PDE6C: variants seen among roughly 807,000 people sequenced by gnomAD.
PDE6C encodes phosphodiesterase 6C.
Under a neutral mutation model 113.1 loss-of-function variants are expected in PDE6C, and 75 were observed. That is an observed-to-expected ratio of 0.66 (90% CI 0.55 to 0.80). PDE6C has a LOEUF of 0.80. Ranked by LOEUF, PDE6C falls within the 30% of genes least tolerant of loss-of-function variation. PDE6C has a pLI of 0.00. For synonymous variants in PDE6C, 375 were observed against 363.7 expected (o/e 1.03, Z -0.35); for missense variants, 912 against 1,038.6 (o/e 0.88, Z 1.67).
At chr10:93,642,542 C>T (rs1589700432) in intron 14 of PDE6C, among the ~76,000 whole-genome samples, 1 of 152,034 alleles carries the variant, frequency 6.6e-6, no homozygotes, top group South Asian at 2.1e-4. Flanking sequence ...ACATGAACTA[C>T]CCCTCTCCAG....
intron 21 of PDE6C, among the ~76,000 whole-genome samples, chr10:93,664,005 A>T (rs978018608): frequency 6.6e-6 from 1 of 152,202 alleles, no homozygotes; most frequent in African/African-American, 2.4e-5. Context: ...TAAATAATTC[A>T]TAGGAGAAAA....
At chr10:93,614,407 C>T (rs555283923) in intron 1 of PDE6C, among the ~76,000 whole-genome samples, 224 of 152,276 alleles carry the variant, frequency 1.5e-3, no homozygotes, top group Non-Finnish European at 3.0e-3. Context: ...CTGAATAATT[C>T]CTCCTTTCAG....
chr10:93,649,824 C>T (rs533755382), intron 15 of PDE6C, among the ~76,000 whole-genome samples: 2 of 152,238 alleles, frequency 1.3e-5, no homozygotes, highest in African/African-American at 2.4e-5. Flanking sequence ...AGGCTGGTCT[C>T]GAACCCCCAA....
chr10:93,633,415 A>G (rs1202035245), intron 8 of PDE6C, among the ~76,000 whole-genome samples: 1 of 146,872 alleles, frequency 6.8e-6, no homozygotes, highest in East Asian at 2.1e-4. Flanking sequence ...GCAGTGAGCC[A>G]AGATTGTGCC....
rs1564805970 is a variant in PDE6C, at chr10:93,659,146, GC to G, written c.2190del (p.Trp731GlyfsTer7). On this transcript the variant is annotated frameshift_variant, in exon 18 of 22. Transcript: ENST00000371447. LOFTEE classifies it high-confidence loss of function. ...TACDLSAITK[P>X]WEVQSQVALM... ...CATGTGACTTGTCTGCTATTACCAA[GC>G]CCTGGGAGGTGCAAAGTCAGGTGAG... 1 of 1,611,024 alleles carries G rather than the reference GC, an allele frequency of 6.2e-7. No homozygotes were observed. The highest frequency in any genetic ancestry group is 8.5e-7 in the Non-Finnish European group (1 of 1,179,066).
chr10:93,644,287 G>A lies in PDE6C; in HGVS notation c.1848-1673G>A, dbSNP rs370383561. 3.3e-5 allele frequency among the ~76,000 whole-genome samples: 5 copies of A among 152,220 alleles called. No homozygotes were observed. The East Asian group carries it at 5.8e-4, about 18-fold the overall frequency. ...GCAATTAATAAGTAATACGTGAAAC[G>A]TTAGTTTGAGATCAGATTAATATCT... On this transcript the variant is annotated intron_variant, in intron 14 of 21. Coordinates refer to ENST00000371447, the MANE Select transcript of PDE6C (RefSeq NM_006204.4).
rs2134611573 is a variant in PDE6C, at chr10:93,640,500, T to G, written c.1680T>G (p.Thr560=). ...TGAGGAAAGGGTACCGAGCTGTCACTTACCACAATTGGCGGCATGGGTTCA... is the reference window on the plus strand; with the variant it reads ...TGAGGAAAGGGTACCGAGCTGTCACGTACCACAATTGGCGGCATGGGTTCA... ...YTVRKGYRAV[T]YHNWRHGFNV... is the part of the protein sequence containing the mutation. Residue 560 remains threonine (T), a synonymous_variant, in exon 13 of 22, where the codon ACT becomes ACG. Coordinates refer to ENST00000371447, the MANE Select transcript of PDE6C (RefSeq NM_006204.4). 1 of 1,613,986 alleles carries G rather than the reference T, an allele frequency of 6.2e-7. No individual in the cohort carries two copies. The highest frequency in any genetic ancestry group is 1.1e-5 in the South Asian group (1 of 91,082).
chr10:93,613,316 A>C, intron 1 of PDE6C, 111 bp downstream of exon 1: 1 of 1,448,122 alleles, frequency 6.9e-7, no homozygotes, highest in Non-Finnish European at 9.5e-7. Flanking sequence ...TAACCGGGGG[A>C]ATGTGGGTGG....
At chr10:93,660,447 T>A (rs1436537748) in intron 18 of PDE6C, among the ~76,000 whole-genome samples, 1 of 152,162 alleles carries the variant, frequency 6.6e-6, no homozygotes, top group Admixed American at 6.5e-5. Flanking sequence ...TGTCTCTGGC[T>A]CCTTTCCTCC....
At chr10:93,652,920 T>C (rs2058616027) in intron 15 of PDE6C, among the ~76,000 whole-genome samples, 1 of 152,222 alleles carries the variant, frequency 6.6e-6, no homozygotes, top group South Asian at 2.1e-4. Flanking sequence ...ATTTGCTTCT[T>C]TAAATGACTT....
At position 93,626,802 on chromosome 10, in the gene PDE6C, A is replaced by T; in HGVS notation, c.1005-3A>T. 1 of 1,613,880 alleles carries T rather than the reference A, an allele frequency of 6.2e-7. No individual in the cohort carries two copies. The highest frequency in any genetic ancestry group is 8.5e-7 in the Non-Finnish European group (1 of 1,179,832). On this transcript the variant is annotated splice_polypyrimidine_tract_variant and splice_region_variant and intron_variant, in intron 6 of 21. Transcript: ENST00000371447. ...AATGATTTTTTTTCTTCTCTTCCCC[A>T]AGGACGCCTCCTGCAGACCACTGGA...
intron 11 of PDE6C, among the ~76,000 whole-genome samples, chr10:93,639,803 G>C (rs996039550): frequency 4.6e-5 from 7 of 152,220 alleles, no homozygotes; most frequent in Non-Finnish European, 2.9e-5. Flanking sequence ...ACTGGAGTTG[G>C]ATTTAGAATG....
Position 93,640,529 on chromosome 10 carries a change from T to C in PDE6C, c.1709T>C (p.Val570Ala). 6.2e-7 allele frequency: 1 copy of C among 1,613,378 alleles called. No individual in the cohort carries two copies. Among genetic ancestry groups the C allele is most frequent in the Non-Finnish European group, 8.5e-7 (1 of 1,179,350 alleles). ...CACAATTGGCGGCATGGGTTCAACG[T>C]GGGGCAGACCATGTTTACTTTGCTG... ...TYHNWRHGFNVGQTMFTLLMT... is the reference protein window; with the variant it reads ...TYHNWRHGFNAGQTMFTLLMT... Residue 570 changes from valine to alanine, a missense_variant, in exon 13 of 22, where the codon GTG (valine) becomes GCG (alanine). Coordinates refer to ENST00000371447, the MANE Select transcript of PDE6C (RefSeq NM_006204.4).
chr10:93,620,370 C>T (rs2058439544), intron 1 of PDE6C, among the ~76,000 whole-genome samples: 1 of 152,104 alleles, frequency 6.6e-6, no homozygotes, highest in African/African-American at 2.4e-5. Flanking sequence ...GTCTGATCAC[C>T]TCTTTTCTTC....
chr10:93,656,365 C>T (rs1427858554), intron 16 of PDE6C, among the ~76,000 whole-genome samples: 2 of 152,096 alleles, frequency 1.3e-5, no homozygotes, highest in Non-Finnish European at 2.9e-5. Flanking sequence ...AACAGAGAGC[C>T]AGCCTATTTA....
intron 21 of PDE6C, 78 bp downstream of exon 21, chr10:93,663,256 A>C: frequency 2.1e-6 from 3 of 1,396,754 alleles, no homozygotes; most frequent in Non-Finnish European, 3.0e-6. Context: ...ACAAAGCCAT[A>C]AAGAGTCACC....
chr10:93,615,088 T>A (rs961861193), intron 1 of PDE6C, among the ~76,000 whole-genome samples: 9 of 152,126 alleles, frequency 5.9e-5, no homozygotes, highest in African/African-American at 2.2e-4. Context: ...GCCCAGGAGT[T>A]CGAGACCAGG....
rs545283631 is a variant in PDE6C at position 93,651,472 on chromosome 10, G to T, written c.1936-4288G>T. Among the ~76,000 whole-genome samples the T allele has an allele frequency of 5.9e-5, 9 of 152,224 alleles. No homozygotes were observed. The East Asian group carries it at 1.7e-3, about 29-fold the overall frequency. On this transcript the variant is annotated intron_variant, in intron 15 of 21. Coordinates refer to ENST00000371447, the MANE Select transcript of PDE6C (RefSeq NM_006204.4). ...GGCAAGAGTGTGTGAGAAAGAGTGA[G>T]GAAGTGGCACACTTAAAACCATCAA...
At chr10:93,640,592 G>A (rs759938664) in intron 13 of PDE6C, 35 bp downstream of exon 13, 1 of 1,342,194 alleles carries the variant, frequency 7.5e-7, no homozygotes, top group Non-Finnish European at 1.1e-6. Flanking sequence ...TTGTAAACCT[G>A]CAGATTTCCC....
Sources: allele counts gnomAD v4.1 joint callset (sites outside exome capture counted in the v4.1 genomes callset), GRCh38; gene constraint gnomAD v4.1.1; transcripts MANE v1.5; gene names NCBI Gene and HGNC (gene_info 2026-07-23, HGNC 2026-07-21).